DPP10: variants seen among roughly 807,000 people sequenced by gnomAD.
The protein encoded by DPP10 is dipeptidyl peptidase like 10.
DPP10 carries 33 observed loss-of-function variants against 120.9 expected under a neutral mutation model. The ratio of observed to expected loss-of-function variants is 0.27; its 90% CI spans 0.21 to 0.37. The LOEUF is 0.37. DPP10 is among the 10% of genes least tolerant of loss of function. The pLI is 1.00. For missense variants in DPP10, 816 were observed against 942.8 expected (o/e 0.87, Z 1.76); for synonymous variants, 337 against 326.1 (o/e 1.03, Z -0.36).
chr2:115,470,389 A>C (rs1292563519), intron 3 of DPP10, among the ~76,000 whole-genome samples: 3 of 152,124 alleles, frequency 2.0e-5, no homozygotes, highest in Non-Finnish European at 4.4e-5. Context: ...TTTCAGTTTC[A>C]TCCTGGACCA....
chr2:115,149,692 CTGTTTGTT>C (rs781673813), intron 1 of DPP10, among the ~76,000 whole-genome samples: 4 of 152,018 alleles, frequency 2.6e-5, no homozygotes, highest in South Asian at 4.2e-4. Flanking sequence ...TTTTGTTTGT[CTGTTTGTT>C]TGTTTGTTTG....
intron 1 of DPP10, among the ~76,000 whole-genome samples, chr2:114,813,224 C>A (rs1014077989): frequency 1.3e-5 from 2 of 152,058 alleles, no homozygotes; most frequent in East Asian, 3.9e-4. Context: ...AAATGATATA[C>A]AATTTACTGC....
intron 1 of DPP10, among the ~76,000 whole-genome samples, chr2:114,988,797 A>G (rs1304372896): frequency 6.6e-6 from 1 of 152,190 alleles, no homozygotes; most frequent in East Asian, 1.9e-4. Flanking sequence ...TTTTGTTTAC[A>G]CTGAATAAAT....
intron 5 of DPP10, among the ~76,000 whole-genome samples, chr2:115,582,453 T>C (rs1044679788): frequency 3.3e-5 from 5 of 152,306 alleles, no homozygotes; most frequent in East Asian, 3.9e-4. Context: ...ATTGGGAGAC[T>C]GCCTTTCCCT....
At chr2:115,698,206 A>G (rs1311338122) in intron 7 of DPP10, among the ~76,000 whole-genome samples, 1 of 152,190 alleles carries the variant, frequency 6.6e-6, no homozygotes, top group African/African-American at 2.4e-5. Flanking sequence ...AGAAATCAAT[A>G]ACAAACTGAA....
chr2:115,519,033 A>G (rs1412923744), intron 4 of DPP10, among the ~76,000 whole-genome samples: 2 of 152,146 alleles, frequency 1.3e-5, no homozygotes, highest in African/African-American at 4.8e-5. Context: ...AAGTTACAAT[A>G]TTTCTTTTCT....
intron 1 of DPP10, among the ~76,000 whole-genome samples, chr2:115,146,612 C>T (rs550584704): frequency 6.6e-6 from 1 of 150,578 alleles, no homozygotes; most frequent in Non-Finnish European, 1.5e-5. Context: ...AACCTCGAGT[C>T]TTTCAAATAT....
chr2:115,088,750 CA>C lies in DPP10; in HGVS notation c.61-220470del, dbSNP rs70941027. ...TACAGCTGTGAGCCACTGTGCCTGA[CA>C]AAAAAAAAAAAAAAAAAACCAAAAA... On this transcript the variant is annotated intron_variant, in intron 1 of 25. Coordinates refer to ENST00000410059, the MANE Select transcript of DPP10 (RefSeq NM_020868.6). Among the ~76,000 whole-genome samples the C allele has an allele frequency of 9.0e-3, 585 of 65,020 alleles. 4 individuals carry two copies. The highest frequency in any genetic ancestry group is 0.029 in the African/African-American group (513 of 17,918). The allele number at this position is 65,020 out of a possible 152,430, so 42.7% of individuals were successfully genotyped here. A position where few individuals can be genotyped will look rare whatever the true frequency, so the allele number is the denominator to read the frequency against.
intron 1 of DPP10, among the ~76,000 whole-genome samples, chr2:114,906,761 G>A (rs1319708911): frequency 1.3e-5 from 2 of 152,038 alleles, no homozygotes; most frequent in Non-Finnish European, 2.9e-5. Flanking sequence ...TGTTGTCCTA[G>A]TATTTTGTTA....
At chr2:115,451,955 C>T (rs1266885849) in intron 3 of DPP10, among the ~76,000 whole-genome samples, 1 of 151,676 alleles carries the variant, frequency 6.6e-6, no homozygotes, top group Non-Finnish European at 1.5e-5. Context: ...TAAATCCCCC[C>T]AAAATGGAAC....
chr2:115,153,054 C>T (rs1192364267), intron 1 of DPP10, among the ~76,000 whole-genome samples: 2 of 152,018 alleles, frequency 1.3e-5, no homozygotes, highest in African/African-American at 2.4e-5. Context: ...AAGAGGAACC[C>T]TGAGCTTAAG....
chr2:114,459,538 A>G (rs1307755813), intron 1 of DPP10, among the ~76,000 whole-genome samples: 1 of 152,126 alleles, frequency 6.6e-6, no homozygotes, highest in Non-Finnish European at 1.5e-5. Context: ...GGTTTTCCTT[A>G]TTCCTTAATA....
chr2:114,950,278 G>A (rs1409586012), intron 1 of DPP10, among the ~76,000 whole-genome samples: 1 of 146,512 alleles, frequency 6.8e-6, no homozygotes, highest in African/African-American at 2.5e-5. Flanking sequence ...AAAAAATAAT[G>A]AGACCACACC....
intron 1 of DPP10, among the ~76,000 whole-genome samples, chr2:115,269,098 G>T (rs2059584636): frequency 6.6e-6 from 1 of 152,184 alleles, no homozygotes; most frequent in Non-Finnish European, 1.5e-5. Flanking sequence ...AGTGAGCGGA[G>T]ACCACGCCAT....
chr2:115,321,577 A>G (rs1276642196), intron 2 of DPP10, among the ~76,000 whole-genome samples: 7 of 141,582 alleles, frequency 4.9e-5, no homozygotes, highest in African/African-American at 1.3e-4. Context: ...TCCTTTGCCA[A>G]ATTTGGCAAG....
At chr2:115,569,486 C>T (rs2081214877) in intron 5 of DPP10, among the ~76,000 whole-genome samples, 1 of 152,106 alleles carries the variant, frequency 6.6e-6, no homozygotes, top group South Asian at 2.1e-4. Flanking sequence ...ATTAATTATA[C>T]TTGGTAGAAG....
At chr2:115,203,408 A>G (rs1024454486) in intron 1 of DPP10, among the ~76,000 whole-genome samples, 1 of 152,136 alleles carries the variant, frequency 6.6e-6, no homozygotes, top group Non-Finnish European at 1.5e-5. Context: ...ATGTTAGATA[A>G]TGGCATACGT....
intron 3 of DPP10, among the ~76,000 whole-genome samples, chr2:115,350,538 G>T (rs987385657): frequency 6.6e-6 from 1 of 152,010 alleles, no homozygotes; most frequent in African/African-American, 2.4e-5. Context: ...GATGCATTCA[G>T]CTAGACAAAT....
chr2:115,282,157 CCAA>C (rs1456757385), intron 1 of DPP10, among the ~76,000 whole-genome samples: 1 of 151,604 alleles, frequency 6.6e-6, no homozygotes, highest in Non-Finnish European at 1.5e-5. Context: ...GATATATATC[CCAA>C]CAACTTGTAA....
Sources: gnomAD v4.1 joint callset for allele counts (sites outside exome capture counted in the v4.1 genomes callset) on GRCh38, gnomAD v4.1.1 for gene constraint, MANE v1.5 for transcripts, NCBI Gene and HGNC (gene_info 2026-07-23, HGNC 2026-07-21) for gene names.